RYR2: variants seen among roughly 807,000 people sequenced by gnomAD.
The protein encoded by RYR2 is cardiac muscle ryanodine receptor-calcium release channel.
RYR2 carries 227 observed loss-of-function variants against 601.1 expected under a neutral mutation model. That is an observed-to-expected ratio of 0.38 (90% CI 0.34 to 0.42). The LOEUF is 0.42. Ranked by LOEUF, RYR2 falls within the 10% of genes least tolerant of loss-of-function variation. The probability of loss-of-function intolerance (pLI) is 1.00; values close to 1 mark genes in which losing one functional copy is unlikely to be tolerated. For synonymous variants in RYR2, 2,223 were observed against 2,175.1 expected (o/e 1.02, Z -0.61); for missense variants, 4,646 against 6,156.5 (o/e 0.75, Z 8.21).
intron 10 of RYR2, among the ~76,000 whole-genome samples, chr1:237,414,502 G>C (rs1704762482): frequency 6.6e-6 from 1 of 152,066 alleles, no homozygotes. Flanking sequence ...GCACATAATT[G>C]TACATATTAT....
intron 63 of RYR2, 21 bp downstream of exon 63, chr1:237,687,525 A>C (rs577148360): frequency 6.3e-7 from 1 of 1,590,806 alleles, no homozygotes; most frequent in East Asian, 2.2e-5. Flanking sequence ...CCTTGAAAAA[A>C]TACAAGCATG....
In RYR2 at chr1:237,103,241, T is replaced by C. The variant is rs142957019; in HGVS notation, c.48+60672T>C. On this transcript the variant is annotated intron_variant, in intron 1 of 104. Coordinates refer to ENST00000366574, the MANE Select transcript of RYR2 (RefSeq NM_001035.3). ...ACATTATTTTAAAATTTATTTTGGA[T>C]ATTCAGCTTCCGAACACTGTCCTAC... is the stretch of plus-strand genomic sequence containing the variant. 8.6e-4 allele frequency among the ~76,000 whole-genome samples: 131 copies of C among 152,346 alleles called. 1 individual carries two copies. The highest frequency in any genetic ancestry group is 1.6e-3 in the Non-Finnish European group (108 of 68,022).
At chr1:237,345,905 T>C (rs1377351768) in intron 3 of RYR2, among the ~76,000 whole-genome samples, 2 of 152,174 alleles carry the variant, frequency 1.3e-5, no homozygotes, top group Non-Finnish European at 2.9e-5. Context: ...CTTGTGGTAT[T>C]TAATTTAACT....
At chr1:237,524,750 A>ATATATAGACATATATGTATATACAGATC (rs1667406410) in intron 24 of RYR2, among the ~76,000 whole-genome samples, 1 of 151,966 alleles carries the variant, frequency 6.6e-6, no homozygotes, top group African/African-American at 2.4e-5. Context: ...ATATACAGAT[A>ATATATAGACATATATGTATATACAGATC]TATATAGAGA....
chr1:237,530,583 C>A, intron 25 of RYR2, 73 bp downstream of exon 25: 1 of 1,109,906 alleles, frequency 9.0e-7, no homozygotes, highest in Non-Finnish European at 1.3e-6. Flanking sequence ...TCTTGATGGA[C>A]ACACAGATGC....
chr1:237,461,951 G>T (rs1659531011), intron 16 of RYR2, among the ~76,000 whole-genome samples: 1 of 152,020 alleles, frequency 6.6e-6, no homozygotes, highest in African/African-American at 2.4e-5. Flanking sequence ...ATTTTGACAT[G>T]CAAAATACTT....
At chr1:237,453,426 C>A (rs1658438851) in intron 14 of RYR2, among the ~76,000 whole-genome samples, 1 of 152,034 alleles carries the variant, frequency 6.6e-6, no homozygotes, top group East Asian at 1.9e-4. Context: ...AAAGCTAATT[C>A]TCATTAATGA....
intron 62 of RYR2, among the ~76,000 whole-genome samples, chr1:237,685,172 G>A (rs1686269491): frequency 6.6e-6 from 1 of 152,134 alleles, no homozygotes; most frequent in Non-Finnish European, 1.5e-5. Flanking sequence ...AGCAGAGAAA[G>A]GGGACAACAG....
intron 25 of RYR2, among the ~76,000 whole-genome samples, chr1:237,542,473 T>C (rs182038963): frequency 2.6e-5 from 4 of 152,328 alleles, no homozygotes; most frequent in Admixed American, 1.3e-4. Flanking sequence ...ATGTTCTGGG[T>C]ACTCACCTGA....
At chr1:237,217,704 TTGTGTC>T (rs112946982) in intron 1 of RYR2, among the ~76,000 whole-genome samples, 2,308 of 73,098 alleles carry the variant, frequency 0.032, 74 homozygotes, top group African/African-American at 0.078. Flanking sequence ...GTAGTTGTGT[TTGTGTC>T]CTGTGATTAG....
rs1671899859 is a variant in RYR2, at chr1:237,565,179, CTTTCTTTCTTTCTTTCTTTCTTT to C, written c.3215-1387_3215-1365del. Among the ~76,000 whole-genome samples, 81 of 120,230 alleles carry C rather than the reference CTTTCTTTCTTTCTTTCTTTCTTT, an allele frequency of 6.7e-4. 1 individual carries two copies. Among genetic ancestry groups the C allele is most frequent in the East Asian group, 6.1e-3 (25 of 4,072 alleles). 78.9% of individuals were successfully genotyped at this position (120,230 alleles called of 152,430 possible). A position where few individuals can be genotyped will look rare whatever the true frequency, so the allele number is the denominator to read the frequency against. On this transcript the variant is annotated intron_variant, in intron 27 of 104. Transcript: ENST00000366574. ...TTTCTCTTTCTTTCTTTCTTTCTTT[CTTTCTTTCTTTCTTTCTTTCTTT>C]CTTTCTTTCTTTCTTTCTTTCTTTT...
chr1:237,341,297 T>C lies in RYR2; in HGVS notation c.273+10315T>C, dbSNP rs61832489. Among the ~76,000 whole-genome samples the C allele has an allele frequency of 4.7e-3, 723 of 152,326 alleles. 7 individuals are homozygous for C. Among genetic ancestry groups the C allele is most frequent in the Middle Eastern group, 0.014 (4 of 294 alleles). The stretch of plus-strand genomic sequence containing the variant: ...CAATCTTAATAAACTATTCTGCAAT[T>C]TATGAGTGACTTAAAGATATGTGGA... On this transcript the variant is annotated intron_variant, in intron 3 of 104. Coordinates refer to ENST00000366574, the MANE Select transcript of RYR2 (RefSeq NM_001035.3).
intron 101 of RYR2, among the ~76,000 whole-genome samples, chr1:237,820,212 GGGGA>G (rs1414587226): frequency 2.6e-5 from 4 of 151,700 alleles, no homozygotes; most frequent in Non-Finnish European, 5.9e-5. Context: ...AAAAAAGGTG[GGGGA>G]GGGAGGGTAG....
intron 1 of RYR2, among the ~76,000 whole-genome samples, chr1:237,157,150 G>A (rs1393004261): frequency 1.3e-5 from 2 of 151,976 alleles, no homozygotes; most frequent in African/African-American, 2.4e-5. Flanking sequence ...ACAAAAATTA[G>A]TTGGGTGTGG....
rs201989130 is a variant in RYR2 at position 237,327,154 on chromosome 1, AT to A, written c.169-3713del. ...TAAGTTTTCCTGAAAGGTAAACACTATTTTTTTTTTTAACTGTCTCAGCTTT... is the reference window on the plus strand; with the variant it reads ...TAAGTTTTCCTGAAAGGTAAACACTATTTTTTTTTTAACTGTCTCAGCTTT... On this transcript the variant is annotated intron_variant, in intron 2 of 104. Coordinates refer to ENST00000366574, the MANE Select transcript of RYR2 (RefSeq NM_001035.3). 5.2e-3 allele frequency among the ~76,000 whole-genome samples: 774 copies of A among 148,054 alleles called. 6 individuals carry two copies. The highest frequency in any genetic ancestry group is 0.021 in the East Asian group (108 of 5,086).
intron 2 of RYR2, among the ~76,000 whole-genome samples, chr1:237,315,229 G>A (rs1694995056): frequency 1.3e-5 from 2 of 152,076 alleles, no homozygotes; most frequent in Non-Finnish European, 2.9e-5. Context: ...CGAATTGGGT[G>A]TATATTTCCT....
chr1:237,587,400 A>AAT (rs1462421187), intron 29 of RYR2, among the ~76,000 whole-genome samples: 1 of 152,148 alleles, frequency 6.6e-6, no homozygotes, highest in Non-Finnish European at 1.5e-5. Context: ...TTTTTAATAA[A>AAT]ATATATATAC....
chr1:237,830,322 T>C, intron 102 of RYR2: 1 of 446,692 alleles, frequency 2.2e-6, no homozygotes, highest in South Asian at 2.7e-5. Context: ...TACTTCTTGC[T>C]GCTGGTACCT....
At chr1:237,148,631 T>C (rs1674353317) in intron 1 of RYR2, among the ~76,000 whole-genome samples, 1 of 150,574 alleles carries the variant, frequency 6.6e-6, no homozygotes, top group Admixed American at 6.6e-5. Flanking sequence ...AACACAAGTT[T>C]ATTGAAAAAG....
Sources: gnomAD v4.1 joint callset for allele counts (sites outside exome capture counted in the v4.1 genomes callset) on GRCh38, gnomAD v4.1.1 for gene constraint, MANE v1.5 for transcripts, NCBI Gene and HGNC (gene_info 2026-07-23, HGNC 2026-07-21) for gene names.